GABBR2: variants seen among roughly 807,000 people sequenced by gnomAD.
GABBR2 encodes the protein gamma-aminobutyric acid type B receptor subunit 2.
In GABBR2, 23 loss-of-function variants were observed where a neutral mutation model predicts 105.6. The observed-to-expected ratio is 0.22, with a 90% CI of 0.16 to 0.31. The LOEUF (loss-of-function observed/expected upper bound fraction) is 0.31, where lower values mean the gene tolerates loss of function less well. Among genes scored for constraint, GABBR2 ranks in the 10% least tolerant of loss-of-function variants. The pLI, the probability that GABBR2 is intolerant of heterozygous loss-of-function variation, is 1.00. For synonymous variants in GABBR2, 478 were observed against 499.7 expected (o/e 0.96, Z 0.58); for missense variants, 734 against 1,245.5 (o/e 0.59, Z 6.18).
intron 18 of GABBR2, 139 bp downstream of exon 18, chr9:98,293,646 T>A (rs1038383180): frequency 1.2e-5 from 7 of 575,298 alleles, no homozygotes; most frequent in African/African-American, 3.8e-5. Context: ...AAAAGAGCAC[T>A]GTAATTGGAC....
chr9:98,328,357 T>C (rs1367564596), intron 13 of GABBR2, among the ~76,000 whole-genome samples: 1 of 152,126 alleles, frequency 6.6e-6, no homozygotes, highest in Non-Finnish European at 1.5e-5. Context: ...AACACTCTAT[T>C]AGTGACGTGG....
chr9:98,305,317 T>A (rs1019161277), intron 15 of GABBR2, among the ~76,000 whole-genome samples: 2 of 152,204 alleles, frequency 1.3e-5, no homozygotes, highest in African/African-American at 4.8e-5. Context: ...GATTCCACAT[T>A]AAAGGAATAA....
chr9:98,576,459 G>A (rs187029160), intron 2 of GABBR2, among the ~76,000 whole-genome samples: 1 of 152,254 alleles, frequency 6.6e-6, no homozygotes, highest in East Asian at 1.9e-4. Context: ...CTACCCCAAG[G>A]CAGTCACTAT....
At chr9:98,318,790 CTT>C (rs1830766438) in intron 13 of GABBR2, among the ~76,000 whole-genome samples, 1 of 152,114 alleles carries the variant, frequency 6.6e-6, no homozygotes, top group South Asian at 2.1e-4. Context: ...ATACCTGCCT[CTT>C]TTCTTTTTTC....
intron 13 of GABBR2, among the ~76,000 whole-genome samples, chr9:98,347,917 G>A (rs1318187235): frequency 6.6e-6 from 1 of 152,174 alleles, no homozygotes; most frequent in Non-Finnish European, 1.5e-5. Flanking sequence ...AGTCTCACGA[G>A]ACCTGATGGT....
chr9:98,378,401 G>T (rs1831915639), intron 11 of GABBR2, among the ~76,000 whole-genome samples: 1 of 152,194 alleles, frequency 6.6e-6, no homozygotes, highest in African/African-American at 2.4e-5. Flanking sequence ...AGGTTCGAGG[G>T]TGGGGGCCAC....
At chr9:98,451,260 A>G (rs1826224169) in intron 7 of GABBR2, among the ~76,000 whole-genome samples, 1 of 152,168 alleles carries the variant, frequency 6.6e-6, no homozygotes, top group Non-Finnish European at 1.5e-5. Context: ...TTCAACTGAG[A>G]AGCTCTTCTT....
chr9:98,562,332 A>G (rs990887428), intron 2 of GABBR2, among the ~76,000 whole-genome samples: 7 of 152,254 alleles, frequency 4.6e-5, no homozygotes, highest in Admixed American at 2.6e-4. Flanking sequence ...AACAAAGACA[A>G]TGCATGTTCC....
At chr9:98,530,539 AG>A (rs1402275549) in intron 3 of GABBR2, among the ~76,000 whole-genome samples, 2 of 152,216 alleles carry the variant, frequency 1.3e-5, no homozygotes, top group African/African-American at 4.8e-5. Context: ...GCACTTTGGG[AG>A]GCCAAGGTGG....
intron 9 of GABBR2, among the ~76,000 whole-genome samples, chr9:98,390,375 CAAAAAAAA>C (rs61216428): frequency 0.011 from 371 of 32,440 alleles, 11 homozygotes; most frequent in African/African-American, 0.036. Flanking sequence ...CTCCATCTCA[CAAAAAAAA>C]AAAAAAAAAA....
At chr9:98,562,718 GTAACTTTCAAAA>G (rs990492084) in intron 2 of GABBR2, among the ~76,000 whole-genome samples, 55 of 152,250 alleles carry the variant, frequency 3.6e-4, no homozygotes, top group African/African-American at 1.3e-3. Flanking sequence ...GCAGGTTAAA[GTAACTTTCAAAA>G]TAACAAAATT....
intron 3 of GABBR2, among the ~76,000 whole-genome samples, chr9:98,500,923 T>G (rs910984365): frequency 5.9e-5 from 9 of 152,198 alleles, no homozygotes; most frequent in African/African-American, 1.9e-4. Context: ...CAGCACCCTG[T>G]GTTTCAACAA....
chr9:98,495,666 G>A (rs539595799), intron 4 of GABBR2, among the ~76,000 whole-genome samples: 6 of 152,180 alleles, frequency 3.9e-5, no homozygotes, highest in East Asian at 3.9e-4. Context: ...CCCTCCTACC[G>A]TGCTGGGCTC....
intron 1 of GABBR2, among the ~76,000 whole-genome samples, chr9:98,680,463 G>A (rs1830530150): frequency 6.6e-6 from 1 of 152,040 alleles, no homozygotes; most frequent in Admixed American, 6.5e-5. Context: ...CCGCCACTAT[G>A]CCCGGCTAAT....
chr9:98,580,532 A>G (rs149591693), intron 1 of GABBR2, among the ~76,000 whole-genome samples: 60 of 152,354 alleles, frequency 3.9e-4, no homozygotes, highest in African/African-American at 1.4e-3. Context: ...TCACGCCCGT[A>G]ATCCTAGCAC....
At chr9:98,556,660 A>G (rs1432856468) in intron 2 of GABBR2, among the ~76,000 whole-genome samples, 1 of 152,170 alleles carries the variant, frequency 6.6e-6, no homozygotes, top group East Asian at 1.9e-4. Flanking sequence ...GGTCAGCTGC[A>G]AACCCGCCAC....
At chr9:98,704,582 T>C (rs1830870370) in intron 1 of GABBR2, among the ~76,000 whole-genome samples, 1 of 152,022 alleles carries the variant, frequency 6.6e-6, no homozygotes, top group Non-Finnish European at 1.5e-5. Flanking sequence ...GAAAAAAACA[T>C]AAAAGAGCAC....
chr9:98,530,414 C>T (rs915552934), intron 3 of GABBR2, among the ~76,000 whole-genome samples: 1 of 152,178 alleles, frequency 6.6e-6, no homozygotes, highest in African/African-American at 2.4e-5. Flanking sequence ...GGGTTCATGT[C>T]TATACCTGCC....
chr9:98,362,625 TG>T, intron 13 of GABBR2, 89 bp downstream of exon 13: 2 of 1,045,842 alleles, frequency 1.9e-6, no homozygotes, highest in Non-Finnish European at 2.6e-6. Context: ...AGTGGGGTAC[TG>T]GGCAGTCTGG....
Sources: gnomAD v4.1 joint callset for allele counts (sites outside exome capture counted in the v4.1 genomes callset) on GRCh38, gnomAD v4.1.1 for gene constraint, MANE v1.5 for transcripts, NCBI Gene and HGNC (gene_info 2026-07-23, HGNC 2026-07-21) for gene names.